MYO18A: variants seen among roughly 807,000 people sequenced by gnomAD.
The protein encoded by MYO18A is myosin XVIIIA.
Under a neutral mutation model 235.8 loss-of-function variants are expected in MYO18A, and 78 were observed. That is an observed-to-expected ratio of 0.33 (90% confidence interval 0.28 to 0.40). The LOEUF is 0.40. Among genes scored for constraint, MYO18A ranks in the 10% least tolerant of loss-of-function variants. MYO18A has a pLI of 1.00. For synonymous variants in MYO18A, 977 were observed against 1,077.8 expected (o/e 0.91, Z 1.83); for missense variants, 2,215 against 2,699.3 (o/e 0.82, Z 3.98).
intron 2 of MYO18A, among the ~76,000 whole-genome samples, chr17:29,139,308 C>T (rs960517078): frequency 2.6e-5 from 4 of 152,182 alleles, no homozygotes; most frequent in African/African-American, 7.2e-5. Context: ...GCTTGGATAT[C>T]ACTGTGCATG....
chr17:29,098,070 C>T (rs763106493), intron 25 of MYO18A, 35 bp downstream of exon 25: 4 of 1,608,592 alleles, frequency 2.5e-6, no homozygotes, highest in Non-Finnish European at 3.4e-6. Flanking sequence ...ATGGCAGTCA[C>T]CAGCCTGCTG....
chr17:29,099,799 G>A (rs372956423), intron 21 of MYO18A, 37 bp from the exon 22 acceptor site: 2 of 1,602,996 alleles, frequency 1.2e-6, no homozygotes, highest in Non-Finnish European at 1.7e-6. Context: ...CAGGATACTG[G>A]GCCAGCCCAG....
intron 2 of MYO18A, chr17:29,128,457 C>T: frequency 7.8e-7 from 1 of 1,289,342 alleles, no homozygotes; most frequent in Non-Finnish European, 1.0e-6. Context: ...GGGCTCCTGG[C>T]TCTCTGGGAA....
In MYO18A at chr17:29,103,818, A is replaced by G. The variant is rs1328367740; in HGVS notation, c.3442-154T>C. Among the ~76,000 whole-genome samples the G allele has an allele frequency of 2.6e-5, 4 of 152,028 alleles. No individual in the cohort carries two copies. In the East Asian group the frequency reaches 7.7e-4, roughly 29 times the overall value. On this transcript the variant is annotated intron_variant, in intron 20 of 41. Transcript: ENST00000527372. ...TCCTCAGTGTCAGGCACTGGGTTGG[A>G]CTCTGGGGACATAGAGATGACTACG... is the stretch of plus-strand genomic sequence containing the variant.
At chr17:29,094,465 A>C (rs1269633127) in intron 30 of MYO18A, 185 bp downstream of exon 30, 13 of 652,254 alleles carry the variant, frequency 2.0e-5, no homozygotes, top group Non-Finnish European at 3.4e-5. Context: ...GGAAAGTTCC[A>C]CGAGCGCGTC....
At position 29,097,912 on chromosome 17, in the gene MYO18A, G is replaced by A. The variant is rs2066560222; in HGVS notation, c.3991-13C>T. ...CATCGTACTGGGTCTGCAGAAGACA[G>A]GGTTTCAGGGTGTGCCATTCCATCC... On this transcript the variant is annotated splice_polypyrimidine_tract_variant and intron_variant, in intron 25 of 41. Transcript: ENST00000527372. The A allele has an allele frequency of 6.2e-7, 1 of 1,606,602 alleles. No homozygotes were observed. Among genetic ancestry groups the A allele is most frequent in the African/African-American group, 1.3e-5 (1 of 74,794 alleles).
At chr17:29,124,307 C>T (rs2067268463) in intron 2 of MYO18A, among the ~76,000 whole-genome samples, 1 of 152,224 alleles carries the variant, frequency 6.6e-6, no homozygotes, top group Non-Finnish European at 1.5e-5. Context: ...TTCTGCCTTT[C>T]CAGCTTTCTC....
chr17:29,125,876 C>T lies in MYO18A; in HGVS notation c.1000-3623G>A. ...GGGCGGCCAGGGACTGGGACCCACA[C>T]ACAAGAGTGGCATTACAGAAGCTGT... is the stretch of plus-strand genomic sequence containing the variant. On this transcript the variant is annotated intron_variant, in intron 2 of 41. Coordinates refer to ENST00000527372, the MANE Select transcript of MYO18A (RefSeq NM_078471.4). This position sits in a 1 kb window ranked among gnomAD's most constrained non-coding sequence, Gnocchi z 5.1. 1 of 985,432 alleles carries T rather than the reference C, an allele frequency of 1.0e-6. No homozygotes were observed. Among genetic ancestry groups the T allele is most frequent in the Non-Finnish European group, 1.2e-6 (1 of 829,496 alleles). The allele number at this position is 985,432 out of a possible 1,614,324, so 61.0% of individuals were successfully genotyped here.
At chr17:29,148,347 A>C (rs903046762) in intron 2 of MYO18A, among the ~76,000 whole-genome samples, 1 of 152,054 alleles carries the variant, frequency 6.6e-6, no homozygotes, top group Admixed American at 6.6e-5. Context: ...ATATTTAGGG[A>C]GTTGGGGAGA....
At position 29,072,580 on chromosome 17, in the gene MYO18A, T is replaced by A. The variant is rs2065897377; in HGVS notation, c.*2190A>T. 1 of 152,264 alleles carries A rather than the reference T, an allele frequency of 6.6e-6. No individual in the cohort carries two copies. Among genetic ancestry groups the A allele is most frequent in the African/African-American group, 2.4e-5 (1 of 41,452 alleles). The allele number at this position is 152,264 out of a possible 1,614,324, so 9.4% of individuals were successfully genotyped here. A position where few individuals can be genotyped will look rare whatever the true frequency, so the allele number is the denominator to read the frequency against. On this transcript the variant is annotated 3_prime_UTR_variant, in exon 42 of 42. Coordinates refer to ENST00000527372, the MANE Select transcript of MYO18A (RefSeq NM_078471.4). ...ATTGTTTCTATCCTCTTCTCTGTTC[T>A]ATCGTGGGGCAATGGAGGGGGCAGT...
intron 36 of MYO18A, among the ~76,000 whole-genome samples, 169 bp downstream of exon 36, chr17:29,090,363 G>A (rs1040474043): frequency 6.6e-6 from 1 of 152,210 alleles, no homozygotes; most frequent in African/African-American, 2.4e-5. Flanking sequence ...AAGCCCAAAT[G>A]TCTGTTATGG....
chr17:29,138,132 C>A (rs1169488900), intron 2 of MYO18A, among the ~76,000 whole-genome samples: 1 of 152,136 alleles, frequency 6.6e-6, no homozygotes, highest in Non-Finnish European at 1.5e-5. Flanking sequence ...GGAATGGGGG[C>A]ACAAATGCTC....
rs2067191919 is a variant in MYO18A at position 29,121,227 on chromosome 17, A to G, written c.1372-16T>C. Reference sequence around the variant, plus strand: ...TGTGCATCACCTTGGGCAGGAGAGCAAGGGAGAGAAGGGGTTGGCTCTTAG... The same window carrying G: ...TGTGCATCACCTTGGGCAGGAGAGCGAGGGAGAGAAGGGGTTGGCTCTTAG... On this transcript the variant is annotated splice_polypyrimidine_tract_variant and intron_variant, in intron 5 of 41. Transcript: ENST00000527372. The surrounding 1 kb of genome is among the most constrained non-coding windows in gnomAD (Gnocchi z 4.2). The G allele has an allele frequency of 6.3e-7, 1 of 1,586,946 alleles. No homozygotes were observed. The highest frequency in any genetic ancestry group is 1.3e-5 in the African/African-American group (1 of 74,260).
intron 2 of MYO18A, among the ~76,000 whole-genome samples, chr17:29,153,397 C>G (rs2067997967): frequency 6.6e-6 from 1 of 152,234 alleles, no homozygotes; most frequent in South Asian, 2.1e-4. Flanking sequence ...CCTGCCTCAA[C>G]CTTCCAAAGT....
In MYO18A at chr17:29,098,168, G is replaced by A; in HGVS notation, c.3927C>T (p.Ser1309=). 2.5e-6 allele frequency: 4 copies of A among 1,613,936 alleles called. No individual in the cohort carries two copies. The highest frequency in any genetic ancestry group is 1.7e-5 in the Admixed American group (1 of 60,024). Residue 1309 remains serine (S), a synonymous_variant, in exon 25 of 42, where the codon TCC becomes TCT. Transcript: ENST00000527372. ...CTGCTGTCTCCGCGTCCAGCAGCTG[G>A]GAGGCGGACTCTCCTGTGTTACGCT... ...TDERNTGESA[S]QLLDAETAER... is the part of the protein sequence containing the mutation.
rs542597151 is a variant in MYO18A, at chr17:29,118,877, G to A, written c.1830-437C>T. On this transcript the variant is annotated intron_variant, in intron 8 of 41. Transcript: ENST00000527372. This position sits in a 1 kb window ranked among gnomAD's most constrained non-coding sequence, Gnocchi z 4.2. ...GAAGAGCGTGGCAGAGGCAGCCAAC[G>A]TGGGGCAGGAAGGGCTAGTCTGGAG... Among the ~76,000 whole-genome samples, 5 of 152,358 alleles carry A rather than the reference G, an allele frequency of 3.3e-5. No homozygotes were observed. Among genetic ancestry groups the A allele is most frequent in the African/African-American group, 1.2e-4 (5 of 41,572 alleles).
intron 1 of MYO18A, among the ~76,000 whole-genome samples, chr17:29,179,872 C>G (rs1294982379): frequency 6.6e-6 from 1 of 152,126 alleles, no homozygotes; most frequent in Non-Finnish European, 1.5e-5. Flanking sequence ...TCCCCTTCCC[C>G]GCTGCCTTCC....
chr17:29,119,516 C>A, intron 7 of MYO18A, 81 bp from the exon 8 acceptor site: 4 of 961,774 alleles, frequency 4.2e-6, no homozygotes, highest in East Asian at 2.7e-5. Context: ...AGGAATCAAA[C>A]ACATGGTCCT....
Position 29,086,712 on chromosome 17 carries a change from C to T in MYO18A, c.5713-135G>A, listed in dbSNP as rs115993275. ...TGACACAGGCTGCCAGAGCCTTTTCCGCTCTGTTGCTGCTGGGCTGTGGGG... is the reference window on the plus strand; with the variant it reads ...TGACACAGGCTGCCAGAGCCTTTTCTGCTCTGTTGCTGCTGGGCTGTGGGG... On this transcript the variant is annotated intron_variant, in intron 38 of 41. Coordinates refer to ENST00000527372, the MANE Select transcript of MYO18A (RefSeq NM_078471.4). 1,233 of 1,276,552 alleles carry T rather than the reference C, an allele frequency of 9.7e-4. 8 individuals are homozygous for T. In the African/African-American group the frequency reaches 0.016, roughly 17 times the overall value. The allele number at this position is 1,276,552 out of a possible 1,614,324, so 79.1% of individuals were successfully genotyped here. A position where few individuals can be genotyped will look rare whatever the true frequency, so the allele number is the denominator to read the frequency against.
Sources: gnomAD v4.1 joint callset for allele counts (sites outside exome capture counted in the v4.1 genomes callset) on GRCh38, gnomAD v4.1.1 for gene constraint, Gnocchi (gnomAD v3.1) non-coding constraint, MANE v1.5 for transcripts, NCBI Gene and HGNC (gene_info 2026-07-23, HGNC 2026-07-21) for gene names.